The following GLIPR1L2 variants were observed in gnomAD, a reference collection of about 807,000 sequenced individuals.
GLIPR1L2 encodes the protein GLIPR1-like protein 2.
In GLIPR1L2, 21 loss-of-function variants were observed where a neutral mutation model predicts 28.4. That is an observed-to-expected ratio of 0.74 (90% CI 0.52 to 1.06). GLIPR1L2 has a LOEUF of 1.06. Ranked by LOEUF, GLIPR1L2 falls within the 50% of genes least tolerant of loss-of-function variation. GLIPR1L2 has a pLI of 0.00. For missense variants in GLIPR1L2, 476 were observed against 416.9 expected (o/e 1.14, Z -1.23); for synonymous variants, 145 against 139.3 (o/e 1.04, Z -0.29).
At chr12:75,421,455 T>C (rs2045975200) in intron 3 of GLIPR1L2, among the ~76,000 whole-genome samples, 1 of 152,218 alleles carries the variant, frequency 6.6e-6, no homozygotes, top group African/African-American at 2.4e-5. Flanking sequence ...AATATATATT[T>C]CTTAGGCTTG....
intron 4 of GLIPR1L2, chr12:75,423,520 AG>A: frequency 1.3e-6 from 1 of 761,212 alleles, no homozygotes; most frequent in East Asian, 1.3e-4. Context: ...CAATGCTTAG[AG>A]GAATATGGTA....
At position 75,408,892 on chromosome 12, in the gene GLIPR1L2, C is replaced by A. The variant is rs114445912; in HGVS notation, c.235-1542C>A. On this transcript the variant is annotated intron_variant, in intron 1 of 5. Transcript: ENST00000550916. ...AGAGATAGAGAGATGTATAAACAGGCAATTTTTTTAATAGTGGTTACCTTA... is the reference window on the plus strand; with the variant it reads ...AGAGATAGAGAGATGTATAAACAGGAAATTTTTTTAATAGTGGTTACCTTA... Among the ~76,000 whole-genome samples, 722 of 151,946 alleles carry A rather than the reference C, an allele frequency of 4.8e-3. 7 individuals are homozygous for A. The highest frequency in any genetic ancestry group is 0.017 in the African/African-American group (690 of 41,474).
chr12:75,424,699 C>T (rs1178985888), intron 4 of GLIPR1L2, among the ~76,000 whole-genome samples: 2 of 151,982 alleles, frequency 1.3e-5, no homozygotes, highest in East Asian at 1.9e-4. Context: ...ATTCTCCTAC[C>T]TCAGCCTCCC....
At chr12:75,395,871 A>C (rs940674317) in intron 1 of GLIPR1L2, among the ~76,000 whole-genome samples, 4 of 151,446 alleles carry the variant, frequency 2.6e-5, no homozygotes, top group Admixed American at 6.6e-5. Context: ...TATTTTATTT[A>C]TCTCTGCTTC....
intron 1 of GLIPR1L2, among the ~76,000 whole-genome samples, chr12:75,396,898 C>T (rs2045686644): frequency 6.6e-6 from 1 of 152,160 alleles, no homozygotes; most frequent in Non-Finnish European, 1.5e-5. Flanking sequence ...ATTTGCTGTT[C>T]TGTAGTTTTA....
At chr12:75,393,958 A>G (rs1477200207) in intron 1 of GLIPR1L2, among the ~76,000 whole-genome samples, 2 of 151,916 alleles carry the variant, frequency 1.3e-5, no homozygotes, top group Admixed American at 6.6e-5. Flanking sequence ...ATAACCATCT[A>G]GCAGTTATGA....
chr12:75,394,640 C>G (rs1273688425), intron 1 of GLIPR1L2, among the ~76,000 whole-genome samples: 1 of 151,170 alleles, frequency 6.6e-6, no homozygotes, highest in African/African-American at 2.4e-5. Context: ...CTGTAGAATA[C>G]TGGTAAGTAG....
intron 1 of GLIPR1L2, among the ~76,000 whole-genome samples, chr12:75,402,500 G>A (rs2045753259): frequency 6.6e-6 from 1 of 152,200 alleles, no homozygotes; most frequent in Non-Finnish European, 1.5e-5. Flanking sequence ...ACATTGGACA[G>A]TAAATAGAAT....
At chr12:75,429,530 A>C (rs2046069000) in intron 4 of GLIPR1L2, among the ~76,000 whole-genome samples, 1 of 152,200 alleles carries the variant, frequency 6.6e-6, no homozygotes, top group East Asian at 1.9e-4. Flanking sequence ...TGCTGGAATG[A>C]GTTTAGACTT....
Position 75,430,830 on chromosome 12 carries a change from G to A in GLIPR1L2, c.704G>A (p.Arg235Gln), listed in dbSNP as rs80096121. Reference protein sequence around the residue: ...NADRDQATYYRFWYPKWEMPR... With the variant: ...NADRDQATYYQFWYPKWEMPR... ...ATTGCTTCTTTGTTTACAGATTACC[G>A]ATTTTGGTATCCAAAATGGGAAATG... The change falls in exon 6 of 6, where the codon CGA becomes CAA. Residue 235 changes from arginine to glutamine, a missense_variant. Physicochemically the swap from Arg to Gln is conservative, Grantham distance 43. Coordinates refer to ENST00000550916, the MANE Select transcript of GLIPR1L2 (RefSeq NM_001270396.2). The A allele has an allele frequency of 4.1e-4, 631 of 1,533,146 alleles. No homozygotes were observed. Among genetic ancestry groups the A allele is most frequent in the Non-Finnish European group, 5.2e-4 (590 of 1,145,062 alleles). The allele number at this position is 1,533,146 out of a possible 1,614,324, so 95.0% of individuals were successfully genotyped here.
At chr12:75,399,144 A>G (rs1490480976) in intron 1 of GLIPR1L2, among the ~76,000 whole-genome samples, 1 of 152,196 alleles carries the variant, frequency 6.6e-6, no homozygotes, top group Admixed American at 6.5e-5. Context: ...ATTTTGAAAA[A>G]TGAGGGTTAT....
chr12:75,430,634 A>T (rs1283626206), intron 4 of GLIPR1L2, 81 bp from the exon 5 acceptor site: 21 of 1,277,022 alleles, frequency 1.6e-5, no homozygotes, highest in Non-Finnish European at 2.3e-5. Flanking sequence ...AGAAAGTGAC[A>T]CTATTATTGG....
In GLIPR1L2 at chr12:75,413,890, T is replaced by G. The variant is rs556893691; in HGVS notation, c.584+189T>G. Among the ~76,000 whole-genome samples, 25 of 152,174 alleles carry G rather than the reference T, an allele frequency of 1.6e-4. 1 individual carries two copies. In the South Asian group the frequency reaches 5.2e-3, roughly 31 times the overall value. ...GGACATATTGATTGTACTTATACAC[T>G]AGCCAAATATTACTTCCTGGAGTAA... is the stretch of plus-strand genomic sequence containing the variant. On this transcript the variant is annotated intron_variant, in intron 3 of 5. Transcript: ENST00000550916.
At chr12:75,425,628 C>A (rs1240196340) in intron 4 of GLIPR1L2, among the ~76,000 whole-genome samples, 1 of 152,132 alleles carries the variant, frequency 6.6e-6, no homozygotes, top group Admixed American at 6.5e-5. Flanking sequence ...ATTGGACAAA[C>A]TTATACTAAA....
rs368593598 is a variant in GLIPR1L2, at chr12:75,391,126, G to C, written c.10G>C (p.Ala4Pro). MEA[A>P]RPFAREWRAQ... is the part of the protein sequence containing the mutation. The stretch of plus-strand genomic sequence containing the variant: ...CAGCGGCCGGTGGACCATGGAGGCC[G>C]CAAGGCCCTTCGCCCGGGAGTGGAG... Residue 4 changes from alanine (A) to proline (P), a missense_variant, in exon 1 of 6, where the codon GCA becomes CCA. Transcript: ENST00000550916. The C allele has an allele frequency of 1.2e-6, 2 of 1,612,592 alleles. No individual in the cohort carries two copies. The highest frequency in any genetic ancestry group is 1.7e-6 in the Non-Finnish European group (2 of 1,179,192).
chr12:75,429,938 C>CTTTTTTTTTTT (rs34354324), intron 4 of GLIPR1L2, among the ~76,000 whole-genome samples: 1 of 128,656 alleles, frequency 7.8e-6, no homozygotes, highest in Non-Finnish European at 1.6e-5. Flanking sequence ...TCTTTTCTTT[C>CTTTTTTTTTTT]TTTTTTTTTT....
At chr12:75,396,416 T>C (rs552114617) in intron 1 of GLIPR1L2, among the ~76,000 whole-genome samples, 6 of 152,300 alleles carry the variant, frequency 3.9e-5, no homozygotes, top group African/African-American at 1.4e-4. Flanking sequence ...CTAGCAACTA[T>C]TACTTCTTGT....
chr12:75,411,428 G>C (rs1026129919), intron 2 of GLIPR1L2, among the ~76,000 whole-genome samples: 10 of 151,442 alleles, frequency 6.6e-5, no homozygotes, highest in African/African-American at 2.4e-4. Flanking sequence ...TTTGGAATTT[G>C]TTCATGTTGA....
intron 3 of GLIPR1L2, among the ~76,000 whole-genome samples, chr12:75,420,091 C>T (rs931026457): frequency 1.3e-5 from 2 of 152,156 alleles, no homozygotes; most frequent in Admixed American, 6.5e-5. Context: ...AAAAATGAAA[C>T]GAGTTGTAAG....
Sources: gnomAD v4.1 joint callset for allele counts (sites outside exome capture counted in the v4.1 genomes callset) on GRCh38, gnomAD v4.1.1 for gene constraint, MANE v1.5 for transcripts, NCBI Gene and HGNC (gene_info 2026-07-23, HGNC 2026-07-21) for gene names.